RBM39: variants seen among roughly 807,000 people sequenced by gnomAD.
RBM39 encodes RNA binding motif protein 39.
In RBM39, 12 loss-of-function variants were observed where a neutral mutation model predicts 79.6. The observed-to-expected ratio is 0.15, with a 90% CI of 0.10 to 0.24. The LOEUF (loss-of-function observed/expected upper bound fraction) is 0.24. RBM39 is among the 10% of genes least tolerant of loss of function. The pLI is 1.00. For synonymous variants in RBM39, 185 were observed against 208.4 expected, an observed-to-expected ratio of 0.89 and a Z score of 0.97; for missense variants, 243 against 653.4, an observed-to-expected ratio of 0.37 and a Z score of 6.85.
chr20:35,722,414 ATAAAAAT>A (rs2038064604), intron 8 of RBM39, among the ~76,000 whole-genome samples: 5 of 103,308 alleles, frequency 4.8e-5, no homozygotes, highest in African/African-American at 1.8e-4. Context: ...CTCAAAAAAA[ATAAAAAT>A]AAAAAAAAAA....
intron 15 of RBM39, chr20:35,705,008 A>G: frequency 6.8e-6 from 4 of 588,582 alleles, no homozygotes; most frequent in Non-Finnish European, 1.2e-5. Flanking sequence ...GCAAGCTTTG[A>G]GCATTACTAG....
At chr20:35,723,040 T>G (rs1056375226) in intron 8 of RBM39, among the ~76,000 whole-genome samples, 2 of 151,644 alleles carry the variant, frequency 1.3e-5, no homozygotes, top group African/African-American at 4.8e-5. Flanking sequence ...ATACCACAAA[T>G]ACTAAATACA....
rs764012160 is a variant in RBM39, at chr20:35,721,895, C to T, written c.688-18G>A. 1.9e-5 allele frequency: 30 copies of T among 1,609,982 alleles called. No individual in the cohort carries two copies. Among genetic ancestry groups the T allele is most frequent in the Non-Finnish European group, 2.1e-5 (25 of 1,176,732 alleles). ...TTTTCTGCCTAGAAGACAAAATACACGTCACACAGAGATAACACACAGCAG... is the reference window on the plus strand; with the variant it reads ...TTTTCTGCCTAGAAGACAAAATACATGTCACACAGAGATAACACACAGCAG... On this transcript the variant is annotated intron_variant, in intron 8 of 16. Coordinates refer to ENST00000253363, the MANE Select transcript of RBM39 (RefSeq NM_184234.3).
Position 35,701,667 on chromosome 20 carries a change from T to C in RBM39, c.*2814A>G, listed in dbSNP as rs1355609960. ...TACTCGGGAGGCTGAGGCAGGAGAA[T>C]CGCTTGAACCCAGAAGGTGGAGGTT... On this transcript the variant is annotated 3_prime_UTR_variant, in exon 17 of 17. Transcript: ENST00000253363. 1 of 152,062 alleles carries C rather than the reference T, an allele frequency of 6.6e-6. No individual in the cohort carries two copies. The highest frequency in any genetic ancestry group is 2.4e-5 in the African/African-American group (1 of 41,350). The allele number at this position is 152,062 out of a possible 1,614,324, so 9.4% of individuals were successfully genotyped here.
chr20:35,723,496 T>C (rs1309687212), intron 8 of RBM39, among the ~76,000 whole-genome samples: 5 of 152,220 alleles, frequency 3.3e-5, no homozygotes, highest in African/African-American at 1.2e-4. Context: ...TGCAGTGCAA[T>C]GGCGTGATCT....
intron 12 of RBM39, among the ~76,000 whole-genome samples, chr20:35,711,181 G>A (rs906434668): frequency 1.3e-5 from 2 of 152,048 alleles, no homozygotes; most frequent in South Asian, 2.1e-4. Flanking sequence ...ATTCCCTGAA[G>A]GCAGGAAGAA....
At chr20:35,715,642 A>C (rs2146546202) in intron 10 of RBM39, among the ~76,000 whole-genome samples, 1 of 152,370 alleles carries the variant, frequency 6.6e-6, no homozygotes. Flanking sequence ...AATTATATGA[A>C]TAGCTGGCTG....
At chr20:35,741,162 T>C (rs1343661818) in intron 1 of RBM39, among the ~76,000 whole-genome samples, 5 of 146,368 alleles carry the variant, frequency 3.4e-5, no homozygotes, top group South Asian at 2.2e-4. Flanking sequence ...ACCTCCCGAA[T>C]AGCTGGGATC....
At chr20:35,713,403 G>C (rs1204646222) in intron 11 of RBM39, 1 of 196,424 alleles carries the variant, frequency 5.1e-6, no homozygotes, top group African/African-American at 2.4e-5. Context: ...TCGGCTCACT[G>C]CAACCTCCCC....
chr20:35,735,158 AT>A, intron 3 of RBM39: 1 of 1,385,372 alleles, frequency 7.2e-7, no homozygotes, highest in Non-Finnish European at 9.4e-7. Context: ...TAGCCAATAT[AT>A]TTCAACTGTG....
intron 3 of RBM39, chr20:35,732,529 C>G: frequency 4.9e-6 from 1 of 203,370 alleles, no homozygotes. Flanking sequence ...GGTACTCCAG[C>G]CTGGGCGACA....
At chr20:35,722,458 CTTTT>C (rs72430622) in intron 8 of RBM39, among the ~76,000 whole-genome samples, 13 of 116,444 alleles carry the variant, frequency 1.1e-4, no homozygotes, top group South Asian at 2.8e-4. Context: ...TATTTAGAGG[CTTTT>C]TTTTTTTTTT....
chr20:35,718,932 G>A lies in RBM39; in HGVS notation c.826-2127C>T, dbSNP rs773407487. On this transcript the variant is annotated intron_variant, in intron 9 of 16. Coordinates refer to ENST00000253363, the MANE Select transcript of RBM39 (RefSeq NM_184234.3). ...GAGGCAGAGGTTGCAGTGAGCTATC[G>A]CACTCCAGCCTGGGTGACAGCGCAG... 4.6e-5 allele frequency among the ~76,000 whole-genome samples: 7 copies of A among 151,392 alleles called. No individual in the cohort carries two copies. In the South Asian group the frequency reaches 6.3e-4, roughly 14 times the overall value.
intron 8 of RBM39, among the ~76,000 whole-genome samples, chr20:35,723,068 G>A (rs2038190666): frequency 6.6e-6 from 1 of 151,940 alleles, no homozygotes; most frequent in Admixed American, 6.6e-5. Context: ...ATGCTTCCTG[G>A]AATTGTTAGA....
At chr20:35,722,203 C>T (rs529390984) in intron 8 of RBM39, among the ~76,000 whole-genome samples, 2 of 151,904 alleles carry the variant, frequency 1.3e-5, no homozygotes, top group Non-Finnish European at 2.9e-5. Flanking sequence ...ATCAAGAGAT[C>T]AAGACCATAC....
chr20:35,719,692 T>C (rs1394941038), intron 9 of RBM39, among the ~76,000 whole-genome samples: 2 of 152,112 alleles, frequency 1.3e-5, no homozygotes, highest in Admixed American at 6.5e-5. Context: ...ATTTAAGAAA[T>C]AGTTTGACAA....
intron 7 of RBM39, 67 bp downstream of exon 7, chr20:35,724,971 T>A: frequency 8.5e-7 from 1 of 1,173,746 alleles, no homozygotes; most frequent in Non-Finnish European, 1.2e-6. Flanking sequence ...AAATGAAGTA[T>A]TTGATGTTTA....
chr20:35,713,307 G>A (rs2036673294), intron 11 of RBM39: 1 of 433,900 alleles, frequency 2.3e-6, no homozygotes, highest in Non-Finnish European at 4.2e-6. Flanking sequence ...GGCAACAATT[G>A]TGAAACTCTC....
At chr20:35,719,890 C>A in intron 9 of RBM39, 1 of 166,512 alleles carries the variant, frequency 6.0e-6, no homozygotes, top group South Asian at 9.7e-5. Context: ...TCAAGTGACT[C>A]TCCTGCCTCA....
Sources: allele counts gnomAD v4.1 joint callset (sites outside exome capture counted in the v4.1 genomes callset), GRCh38; gene constraint gnomAD v4.1.1; transcripts MANE v1.5; gene names NCBI Gene and HGNC (gene_info 2026-07-23, HGNC 2026-07-21).